The following ERBB4 variants were observed in gnomAD, a reference collection of about 807,000 sequenced individuals.
ERBB4 encodes erb-b2 receptor tyrosine kinase 4, also known as receptor tyrosine-protein kinase erbB-4.
ERBB4 carries 42 observed loss-of-function variants against 158.0 expected under a neutral mutation model. The ratio of observed to expected loss-of-function variants is 0.27; its 90% CI spans 0.21 to 0.34. The LOEUF is 0.34. Among genes scored for constraint, ERBB4 ranks in the 10% least tolerant of loss-of-function variants. The pLI is 1.00. For synonymous variants in ERBB4, 583 were observed against 558.7 expected, an observed-to-expected ratio of 1.04 and a Z score of -0.61; for missense variants, 1,333 against 1,624.1, an observed-to-expected ratio of 0.82 and a Z score of 3.08.
chr2:212,356,525 C>T (rs2089469254), intron 1 of ERBB4, among the ~76,000 whole-genome samples: 1 of 151,952 alleles, frequency 6.6e-6, no homozygotes, highest in African/African-American at 2.4e-5. Context: ...ATCAAAAATA[C>T]ATTTCACAAA....
intron 2 of ERBB4, among the ~76,000 whole-genome samples, chr2:212,097,471 G>A (rs1195760533): frequency 6.6e-6 from 1 of 152,156 alleles, no homozygotes; most frequent in Non-Finnish European, 1.5e-5. Context: ...GTGAAAGCAG[G>A]TGACTAACCA....
intron 20 of ERBB4, among the ~76,000 whole-genome samples, chr2:211,508,955 CA>C (rs1399527325): frequency 2.7e-5 from 4 of 150,614 alleles, no homozygotes; most frequent in Admixed American, 6.6e-5. Context: ...AAAAACAAAA[CA>C]AAAAAAAGAA....
At chr2:211,701,340 T>C (rs2073230166) in intron 12 of ERBB4, among the ~76,000 whole-genome samples, 1 of 152,086 alleles carries the variant, frequency 6.6e-6, no homozygotes, top group Non-Finnish European at 1.5e-5. Context: ...GAGAATTCAA[T>C]AGGGTCGATC....
intron 5 of ERBB4, among the ~76,000 whole-genome samples, chr2:211,729,912 A>T (rs2074377514): frequency 6.6e-6 from 1 of 151,876 alleles, no homozygotes; most frequent in Non-Finnish European, 1.5e-5. Context: ...GGCGGTATGC[A>T]CTAAATGTGA....
At chr2:211,989,794 C>G (rs372422836) in intron 2 of ERBB4, among the ~76,000 whole-genome samples, 3 of 151,942 alleles carry the variant, frequency 2.0e-5, no homozygotes, top group East Asian at 3.9e-4. Context: ...GTTAATAGCA[C>G]TATATAAAAA....
chr2:211,513,378 A>AAAAAAAAAC (rs2065936989), intron 20 of ERBB4, among the ~76,000 whole-genome samples: 3 of 50,296 alleles, frequency 6.0e-5, no homozygotes, highest in African/African-American at 1.5e-4. Flanking sequence ...AAAAAAAAAC[A>AAAAAAAAAC]AAAAAAAAAC....
intron 1 of ERBB4, among the ~76,000 whole-genome samples, chr2:212,242,714 G>T (rs750899083): frequency 2.0e-5 from 3 of 152,044 alleles, no homozygotes; most frequent in African/African-American, 4.8e-5. Context: ...TGTATTAAAG[G>T]TGGCACAGCA....
chr2:211,383,719 G>C lies in ERBB4; in HGVS notation c.3823C>G (p.Arg1275Gly), dbSNP rs397514263. Residue 1275 changes from arginine to glycine, a missense_variant, in exon 28 of 28, where the codon CGG becomes GGG. This residue lies in a region of ERBB4 where 84 missense variants were observed against 110.8 expected (regional missense o/e 0.76). Transcript: ENST00000342788. ...TCAGGATTCTCTGCCACAATAGGCC[G>C]GATCCGCCCATTCTGTTTATAAAAA... Reference protein sequence around the residue: ...KYFYKQNGRIRPIVAENPEYL... With the variant: ...KYFYKQNGRIGPIVAENPEYL... The C allele has an allele frequency of 6.2e-7, 1 of 1,614,016 alleles. No homozygotes were observed. Among genetic ancestry groups the C allele is most frequent in the Non-Finnish European group, 8.5e-7 (1 of 1,179,968 alleles).
At chr2:211,679,774 G>A (rs1259655106) in intron 12 of ERBB4, among the ~76,000 whole-genome samples, 1 of 152,040 alleles carries the variant, frequency 6.6e-6, no homozygotes, top group Non-Finnish European at 1.5e-5. Flanking sequence ...CCACCTCCCG[G>A]GTTTAAGCAA....
At chr2:211,481,545 A>G (rs911895655) in intron 20 of ERBB4, among the ~76,000 whole-genome samples, 1 of 149,010 alleles carries the variant, frequency 6.7e-6, no homozygotes, top group Non-Finnish European at 1.5e-5. Flanking sequence ...TTTTTTCCTT[A>G]CAAACCAATA....
intron 20 of ERBB4, among the ~76,000 whole-genome samples, chr2:211,433,261 A>G (rs2063781254): frequency 6.6e-6 from 1 of 152,092 alleles, no homozygotes; most frequent in Non-Finnish European, 1.5e-5. Flanking sequence ...TGCAGTATAC[A>G]ATTAGGTGAT....
intron 3 of ERBB4, among the ~76,000 whole-genome samples, chr2:211,874,141 A>G (rs1347726253): frequency 6.6e-6 from 1 of 152,156 alleles, no homozygotes; most frequent in African/African-American, 2.4e-5. Context: ...TTCCAGTCAA[A>G]AAAAGCAAAC....
At chr2:212,048,695 G>A (rs1391968962) in intron 2 of ERBB4, among the ~76,000 whole-genome samples, 2 of 152,140 alleles carry the variant, frequency 1.3e-5, no homozygotes, top group Non-Finnish European at 2.9e-5. Flanking sequence ...CTACATCAAA[G>A]TGAAGGTGTC....
At chr2:212,345,240 T>TG (rs1489458515) in intron 1 of ERBB4, among the ~76,000 whole-genome samples, 8 of 62,234 alleles carry the variant, frequency 1.3e-4, no homozygotes, top group African/African-American at 4.7e-4. Flanking sequence ...CCCTCCAGCC[T>TG]GGGGGACAGA....
chr2:211,514,730 G>A (rs2065978970), intron 20 of ERBB4, among the ~76,000 whole-genome samples: 1 of 152,110 alleles, frequency 6.6e-6, no homozygotes, highest in African/African-American at 2.4e-5. Flanking sequence ...AATGCTTGGG[G>A]GCAGACATGT....
intron 16 of ERBB4, among the ~76,000 whole-genome samples, chr2:211,653,233 A>T (rs1375293242): frequency 6.6e-6 from 1 of 152,180 alleles, no homozygotes; most frequent in African/African-American, 2.4e-5. Context: ...AATATCAAGT[A>T]TTATTTTCAT....
rs552302104 is a variant in ERBB4, at chr2:211,846,368, T to C, written c.422-58209A>G. 2.6e-5 allele frequency among the ~76,000 whole-genome samples: 4 copies of C among 152,164 alleles called. No individual in the cohort carries two copies. The South Asian group carries it at 8.3e-4, about 32-fold the overall frequency. ...TAAAATGCAATTACATTCATCAGGG[T>C]GTTCTGTTAGGCTGGGTATTAAATC... On this transcript the variant is annotated intron_variant, in intron 3 of 27. Coordinates refer to ENST00000342788, the MANE Select transcript of ERBB4 (RefSeq NM_005235.3).
chr2:212,142,107 A>T (rs1274734734), intron 1 of ERBB4, among the ~76,000 whole-genome samples: 1 of 152,174 alleles, frequency 6.6e-6, no homozygotes, highest in Non-Finnish European at 1.5e-5. Flanking sequence ...CAAAATGCTG[A>T]TTATCAATTT....
chr2:212,330,045 T>G (rs2088058608), intron 1 of ERBB4, among the ~76,000 whole-genome samples: 1 of 152,024 alleles, frequency 6.6e-6, no homozygotes, highest in Non-Finnish European at 1.5e-5. Context: ...ATGAAGGAAG[T>G]TAACAGTCAT....
Sources: allele counts gnomAD v4.1 joint callset (sites outside exome capture counted in the v4.1 genomes callset), GRCh38; gene constraint gnomAD v4.1.1; regional missense constraint gnomAD v4.1.1; transcripts MANE v1.5; gene names NCBI Gene and HGNC (gene_info 2026-07-23, HGNC 2026-07-21).